Variants in KEL observed in about 807,000 individuals in gnomAD.
KEL encodes the protein Kell metallo-endopeptidase (Kell blood group).
In KEL, 96 loss-of-function variants were observed where a neutral mutation model predicts 99.5. The observed-to-expected ratio is 0.97, with a 90% CI of 0.82 to 1.14. The LOEUF (loss-of-function observed/expected upper bound fraction) is 1.14, where lower values mean the gene tolerates loss of function less well. Among genes scored for constraint, KEL ranks in the 50% most tolerant of loss-of-function variants. The pLI is 0.00. For synonymous variants in KEL, 355 were observed against 354.8 expected (o/e 1.00, Z -0.01); for missense variants, 926 against 924.2 (o/e 1.00, Z -0.03).
At chr7:142,954,091 G>T in intron 8 of KEL, 93 bp downstream of exon 8, 1 of 1,429,946 alleles carries the variant, frequency 7.0e-7, no homozygotes, top group African/African-American at 1.4e-5. Flanking sequence ...GAATGAAAAG[G>T]TATTAAGGGC....
intron 10 of KEL, 106 bp downstream of exon 10, chr7:142,952,403 T>A: frequency 1.4e-6 from 2 of 1,426,088 alleles, no homozygotes; most frequent in Non-Finnish European, 2.0e-6. Context: ...GAGGGGCATC[T>A]ACCATCACGG....
At chr7:142,948,711 T>C (rs1202950770) in intron 10 of KEL, among the ~76,000 whole-genome samples, 4 of 152,146 alleles carry the variant, frequency 2.6e-5, no homozygotes, top group Non-Finnish European at 5.9e-5. Flanking sequence ...CTGAGGCATA[T>C]GAAAGACCGG....
At chr7:142,941,462 C>T (rs1313343127) in intron 18 of KEL, 49 bp from the exon 19 acceptor site, 1 of 1,523,248 alleles carries the variant, frequency 6.6e-7, no homozygotes, top group South Asian at 1.3e-5. Context: ...CAGGACAAAG[C>T]TGACCCGGTG....
In KEL at chr7:142,953,954, T is replaced by A; in HGVS notation, c.927A>T (p.Glu309Asp). The A allele has an allele frequency of 1.9e-6, 3 of 1,614,002 alleles. No homozygotes were observed. The highest frequency in any genetic ancestry group is 2.5e-6 in the Non-Finnish European group (3 of 1,179,942). The part of the protein sequence containing the change: ...FQMVTIDQLK[E>D]MAPAIDWLSC... ...ACAACCAGTCGATGGCGGGGGCCAT[T>A]TCCTTAGAGGAGGGACACAAAGCTG... The change falls in exon 9 of 19, where the codon GAA becomes GAT. Residue 309 changes from glutamate to aspartate, a missense_variant and splice_region_variant. Coordinates refer to ENST00000355265, the MANE Select transcript of KEL (RefSeq NM_000420.3).
chr7:142,944,707 A>AGG lies in KEL; in HGVS notation c.1347_1348dup (p.Leu450ProfsTer12). ...GGGAAGGTTTCTGAGGCGAGTGATG[A>AGG]GGGCATCCCGGATCGCAGTGAATAA... On this transcript the variant is annotated frameshift_variant, in exon 12 of 19. Coordinates refer to ENST00000355265, the MANE Select transcript of KEL (RefSeq NM_000420.3). LOFTEE classifies it high-confidence loss of function. 6.2e-7 allele frequency: 1 copy of AGG among 1,614,108 alleles called. No homozygotes were observed. The highest frequency in any genetic ancestry group is 8.5e-7 in the Non-Finnish European group (1 of 1,179,994).
At chr7:142,943,378 C>A (rs1245427941) in intron 15 of KEL, 35 bp from the exon 16 acceptor site, 4 of 1,613,432 alleles carry the variant, frequency 2.5e-6, no homozygotes, top group Non-Finnish European at 3.4e-6. Context: ...CCCCCAGAAT[C>A]TCTCAGCATT....
rs115102767 is a variant in KEL at position 142,958,052 on chromosome 7, C to A, written c.526-79G>T. On this transcript the variant is annotated intron_variant, in intron 5 of 18. Transcript: ENST00000355265. ...ATTGTCTGGATCGGCTCTTACACAG[C>A]TGCTACTGCCTGACCTCTGCCCTGC... 3.4e-4 allele frequency: 512 copies of A among 1,528,322 alleles called. 4 individuals carry two copies. The African/African-American group carries it at 6.0e-3, about 18-fold the overall frequency. The allele number at this position is 1,528,322 out of a possible 1,614,324, so 94.7% of individuals were successfully genotyped here.
At chr7:142,960,898 A>C in intron 4 of KEL, 30 bp downstream of exon 4, 1 of 1,611,434 alleles carries the variant, frequency 6.2e-7, no homozygotes, top group Non-Finnish European at 8.5e-7. Flanking sequence ...ACCCACTTGC[A>C]CAGAGCATCT....
chr7:142,956,648 C>T (rs533179860), intron 6 of KEL, among the ~76,000 whole-genome samples: 36 of 152,240 alleles, frequency 2.4e-4, no homozygotes, highest in East Asian at 3.9e-4. Flanking sequence ...GCATTTCCAA[C>T]GCCCCATAGC....
At chr7:142,950,937 G>C (rs548345522) in intron 10 of KEL, among the ~76,000 whole-genome samples, 1 of 152,190 alleles carries the variant, frequency 6.6e-6, no homozygotes, top group South Asian at 2.1e-4. Flanking sequence ...GCCTATTTTT[G>C]CTTCTGCAAA....
At chr7:142,942,726 G>C in intron 17 of KEL, 149 bp downstream of exon 17, 1 of 1,029,330 alleles carries the variant, frequency 9.7e-7, no homozygotes, top group Non-Finnish European at 1.5e-6. Context: ...GTAGGAGGGG[G>C]ATCCCCAAGT....
At chr7:142,945,876 CCT>C (rs1215024903) in intron 11 of KEL, among the ~76,000 whole-genome samples, 1 of 152,188 alleles carries the variant, frequency 6.6e-6, no homozygotes, top group African/African-American at 2.4e-5. Context: ...GATCCGCCCA[CCT>C]CAGCCTCCCA....
intron 10 of KEL, among the ~76,000 whole-genome samples, chr7:142,950,205 C>T (rs996849520): frequency 6.6e-6 from 1 of 152,210 alleles, no homozygotes; most frequent in Non-Finnish European, 1.5e-5. Flanking sequence ...AGATAAATCC[C>T]TCTGCATGTC....
chr7:142,952,550 G>A lies in KEL; in HGVS notation c.1162C>T (p.Leu388Phe). 1.9e-6 allele frequency: 3 copies of A among 1,614,138 alleles called. No individual in the cohort carries two copies. The highest frequency in any genetic ancestry group is 1.3e-5 in the African/African-American group (1 of 75,044). ...GTCAGTTCCCGCAGTTTCTGGCTGA[G>A]CTTTCTGCGTGCCTCCTGGAATTGA... ...DSQFQEARRKLSQKLRELTEQ... is the reference protein window; with the variant it reads ...DSQFQEARRKFSQKLRELTEQ... Residue 388 changes from leucine (L) to phenylalanine (F), a missense_variant, in exon 10 of 19, where the codon CTC becomes TTC. Physicochemically the swap from Leu to Phe is conservative, Grantham distance 22. Transcript: ENST00000355265.
chr7:142,957,810 G>C lies in KEL; in HGVS notation c.672+17C>G, dbSNP rs756216482. 5.0e-6 allele frequency: 8 copies of C among 1,613,706 alleles called. No homozygotes were observed. The African/African-American group carries it at 5.3e-5, about 11-fold the overall frequency. ...GCAGGCCAGGTCCAACTGTGTCTTCGCCAGTGCATCCCTCACCTGGATGAC... is the reference window on the plus strand; with the variant it reads ...GCAGGCCAGGTCCAACTGTGTCTTCCCCAGTGCATCCCTCACCTGGATGAC... On this transcript the variant is annotated intron_variant, in intron 6 of 18. Coordinates refer to ENST00000355265, the MANE Select transcript of KEL (RefSeq NM_000420.3).
At chr7:142,946,496 G>A (rs758250377) in intron 10 of KEL, 179 bp from the exon 11 acceptor site, 4 of 640,180 alleles carry the variant, frequency 6.2e-6, no homozygotes, top group Non-Finnish European at 1.1e-5. Flanking sequence ...GAAAAGCACA[G>A]CTTCCTCAGA....
rs879073472 is a variant in KEL at position 142,962,339 on chromosome 7, G to A, written c.-133C>T. 67 of 1,041,070 alleles carry A rather than the reference G, an allele frequency of 6.4e-5. 2 individuals are homozygous for A. Among genetic ancestry groups the A allele is most frequent in the South Asian group, 5.0e-4 (39 of 78,308 alleles). 64.5% of individuals were successfully genotyped at this position (1,041,070 alleles called of 1,614,324 possible). ...GAAGGGGCACTTCTGCTGCTCTTTCGCCTTGTCCCCAGACACACAGGACTG... is the reference window on the plus strand; with the variant it reads ...GAAGGGGCACTTCTGCTGCTCTTTCACCTTGTCCCCAGACACACAGGACTG... On this transcript the variant is annotated 5_prime_UTR_variant, in exon 1 of 19. Coordinates refer to ENST00000355265, the MANE Select transcript of KEL (RefSeq NM_000420.3).
chr7:142,958,391 C>T lies in KEL; in HGVS notation c.438G>A (p.Glu146=), dbSNP rs749524220. Reference sequence around the variant, plus strand: ...AGGAGTTGTAGAACTGGAAGGCTTTCTCCTCCCCAGAGCCTGGGTGCCAGG... The same window carrying T: ...AGGAGTTGTAGAACTGGAAGGCTTTTTCCTCCCCAGAGCCTGGGTGCCAGG... ...QNSWHPGSGE[E]KAFQFYNSCM... The change falls in exon 5 of 19, where the codon GAG becomes GAA. Residue 146 remains glutamate (E), a synonymous_variant. Coordinates refer to ENST00000355265, the MANE Select transcript of KEL (RefSeq NM_000420.3). The T allele has an allele frequency of 4.3e-6, 7 of 1,614,160 alleles. No individual in the cohort carries two copies. The highest frequency in any genetic ancestry group is 5.9e-6 in the Non-Finnish European group (7 of 1,180,036).
At chr7:142,960,485 T>C (rs191107569) in intron 4 of KEL, among the ~76,000 whole-genome samples, 16 of 152,152 alleles carry the variant, frequency 1.1e-4, no homozygotes, top group Non-Finnish European at 1.8e-4. Context: ...GACAAAAGAA[T>C]TGAAATGCAG....
Sources: allele counts gnomAD v4.1 joint callset (sites outside exome capture counted in the v4.1 genomes callset), GRCh38; gene constraint gnomAD v4.1.1; transcripts MANE v1.5; gene names NCBI Gene and HGNC (gene_info 2026-07-23, HGNC 2026-07-21).